Variants in FRYL observed in about 807,000 individuals in gnomAD.
FRYL encodes the protein protein furry homolog-like.
Under a neutral mutation model 351.2 loss-of-function variants are expected in FRYL, and 150 were observed. The observed-to-expected ratio is 0.43, with a 90% CI of 0.37 to 0.49. The LOEUF (loss-of-function observed/expected upper bound fraction) is 0.49, where lower values mean the gene tolerates loss of function less well. Among genes scored for constraint, FRYL ranks in the 20% least tolerant of loss-of-function variants. The pLI is 0.00. For synonymous variants in FRYL, 1,153 were observed against 1,257.1 expected, an observed-to-expected ratio of 0.92 and a Z score of 1.75; for missense variants, 3,036 against 3,619.3, an observed-to-expected ratio of 0.84 and a Z score of 4.13.
chr4:48,696,677 C>T (rs1374683670), intron 2 of FRYL, among the ~76,000 whole-genome samples: 2 of 151,692 alleles, frequency 1.3e-5, no homozygotes, highest in Non-Finnish European at 2.9e-5. Context: ...ACTTGTATCC[C>T]GGAACTTAAA....
chr4:48,702,253 C>G (rs1401738934), intron 2 of FRYL, among the ~76,000 whole-genome samples: 4 of 149,654 alleles, frequency 2.7e-5, no homozygotes. Context: ...GTCAGGAGTT[C>G]GAGACCAGCC....
chr4:48,575,024 TGACCCTACCACACCTTCTAAG>T (rs1485851388), intron 25 of FRYL, 72 bp downstream of exon 25: 3 of 1,241,376 alleles, frequency 2.4e-6, no homozygotes, highest in Admixed American at 4.3e-5. Context: ...GCACTCTGCT[TGACCCTACCACACCTTCTAAG>T]GACCCTACCA....
intron 3 of FRYL, among the ~76,000 whole-genome samples, chr4:48,641,555 G>T (rs1256451629): frequency 6.6e-6 from 1 of 152,010 alleles, no homozygotes; most frequent in Admixed American, 6.6e-5. Context: ...GCCACTAATG[G>T]CTTAACGACT....
In FRYL at chr4:48,603,368, A is replaced by G. The variant is rs1300757223; in HGVS notation, c.855T>C (p.Asn285=). The G allele has an allele frequency of 1.2e-5, 19 of 1,608,328 alleles. No homozygotes were observed. The highest frequency in any genetic ancestry group is 1.6e-5 in the Non-Finnish European group (19 of 1,175,910). Residue 285 remains asparagine (N), a synonymous_variant, in exon 12 of 64, where the codon AAT becomes AAC. Coordinates refer to ENST00000358350, the MANE Select transcript of FRYL (RefSeq NM_015030.2). ...CCACAAAATTTTTCAAACAGGGAAC[A>G]TTCACTTCATTTTTAACAGCCTAGT... ...PVAAAVKNEV[N]VPCLKNFVEM...
intron 31 of FRYL, 147 bp downstream of exon 31, chr4:48,563,801 T>C (rs1200550588): frequency 1.4e-6 from 1 of 731,538 alleles, no homozygotes; most frequent in African/African-American, 1.8e-5. Flanking sequence ...TCCATGGATT[T>C]TGGGATCTGA....
At chr4:48,734,296 A>C (rs752469575) in intron 1 of FRYL, among the ~76,000 whole-genome samples, 2 of 152,210 alleles carry the variant, frequency 1.3e-5, no homozygotes, top group Non-Finnish European at 2.9e-5. Context: ...CAGAGCAAGG[A>C]AAGTTCTCAA....
Position 48,510,014 on chromosome 4 carries a change from T to C in FRYL, c.8394+45A>G, listed in dbSNP as rs753618579. ...TCTGCTGCCAGGATTACCCTTCCAGTGTCAAGAGCAAACCACTTTTCGCAC... is the reference window on the plus strand; with the variant it reads ...TCTGCTGCCAGGATTACCCTTCCAGCGTCAAGAGCAAACCACTTTTCGCAC... On this transcript the variant is annotated intron_variant, in intron 59 of 63. Coordinates refer to ENST00000358350, the MANE Select transcript of FRYL (RefSeq NM_015030.2). 5 of 1,252,176 alleles carry C rather than the reference T, an allele frequency of 4.0e-6. No homozygotes were observed. In the Admixed American group the frequency reaches 6.8e-5, roughly 17 times the overall value. 77.6% of individuals were successfully genotyped at this position (1,252,176 alleles called of 1,614,324 possible). A position where few individuals can be genotyped will look rare whatever the true frequency, so the allele number is the denominator to read the frequency against.
At chr4:48,769,175 G>A (rs376701379) in intron 1 of FRYL, among the ~76,000 whole-genome samples, 1 of 152,122 alleles carries the variant, frequency 6.6e-6, no homozygotes, top group Non-Finnish European at 1.5e-5. Flanking sequence ...AAAGGCAAAC[G>A]TTCTGTTCTA....
chr4:48,502,634 T>A (rs1274305939), intron 61 of FRYL, among the ~76,000 whole-genome samples, 194 bp downstream of exon 61: 2 of 152,202 alleles, frequency 1.3e-5, no homozygotes, highest in Non-Finnish European at 2.9e-5. Context: ...ACTGCTAATT[T>A]TATGTATTTT....
chr4:48,563,017 A>G, intron 31 of FRYL, 29 bp from the exon 32 acceptor site: 1 of 1,344,302 alleles, frequency 7.4e-7, no homozygotes, highest in Non-Finnish European at 1.1e-6. Context: ...TATTAAGTAA[A>G]TAACAATGTT....
intron 53 of FRYL, among the ~76,000 whole-genome samples, chr4:48,524,082 C>T (rs1428577140): frequency 6.6e-6 from 1 of 152,006 alleles, no homozygotes; most frequent in African/African-American, 2.4e-5. Flanking sequence ...TTTCTTAGGC[C>T]CTGATATGAC....
intron 36 of FRYL, among the ~76,000 whole-genome samples, chr4:48,552,244 G>GGTGTGTGTGTGTGT (rs67155390): frequency 1.4e-3 from 201 of 145,348 alleles, no homozygotes; most frequent in African/African-American, 4.8e-3. Context: ...AGTCCAAAGG[G>GGTGTGTGTGTGTGT]GTGTGTGTGT....
At chr4:48,621,218 AG>A (rs1264882805) in intron 5 of FRYL, among the ~76,000 whole-genome samples, 1 of 152,244 alleles carries the variant, frequency 6.6e-6, no homozygotes, top group African/African-American at 2.4e-5. Flanking sequence ...ACATTATGTA[AG>A]AACTGTGGGG....
intron 3 of FRYL, among the ~76,000 whole-genome samples, chr4:48,662,618 G>C (rs1264803661): frequency 6.6e-6 from 1 of 151,808 alleles, no homozygotes; most frequent in Non-Finnish European, 1.5e-5. Context: ...ACCAGTGATA[G>C]AGAAAGAATC....
intron 7 of FRYL, among the ~76,000 whole-genome samples, chr4:48,614,354 C>T (rs1748894815): frequency 6.6e-6 from 1 of 152,186 alleles, no homozygotes; most frequent in Non-Finnish European, 1.5e-5. Flanking sequence ...ACAAGAATTT[C>T]TAAGATCTTG....
chr4:48,508,655 G>A (rs1721815928), intron 59 of FRYL, among the ~76,000 whole-genome samples: 1 of 152,104 alleles, frequency 6.6e-6, no homozygotes, highest in South Asian at 2.1e-4. Context: ...GCTTGACTGG[G>A]GAAGCGGCAG....
In FRYL at chr4:48,632,102, A is replaced by ATG. The variant is rs1578436123; in HGVS notation, c.120+2188_120+2189insCA. On this transcript the variant is annotated intron_variant, in intron 4 of 63. Coordinates refer to ENST00000358350, the MANE Select transcript of FRYL (RefSeq NM_015030.2). ...AAAAAAAAAAAAAAAATATATATATATATATATATATATATATATATATAT... is the reference window on the plus strand; with the variant it reads ...AAAAAAAAAAAAAAAATATATATATATGTATATATATATATATATATATATAT... 1.2e-3 allele frequency among the ~76,000 whole-genome samples: 44 copies of ATG among 36,744 alleles called. 2 individuals carry two copies. The highest frequency in any genetic ancestry group is 4.3e-3 in the Admixed American group (8 of 1,868). The allele number at this position is 36,744 out of a possible 152,430, so 24.1% of individuals were successfully genotyped here. A position where few individuals can be genotyped will look rare whatever the true frequency, so the allele number is the denominator to read the frequency against.
At chr4:48,755,539 G>C (rs1020112122) in intron 1 of FRYL, among the ~76,000 whole-genome samples, 1 of 152,176 alleles carries the variant, frequency 6.6e-6, no homozygotes, top group African/African-American at 2.4e-5. Flanking sequence ...CCTTGTCAGA[G>C]AGAAACGTTG....
intron 1 of FRYL, among the ~76,000 whole-genome samples, chr4:48,733,949 C>T (rs1005747500): frequency 2.5e-4 from 38 of 151,928 alleles, no homozygotes; most frequent in Admixed American, 1.8e-3. Flanking sequence ...ATATAAAATG[C>T]TCAATTAGAA....
Sources: allele counts gnomAD v4.1 joint callset (sites outside exome capture counted in the v4.1 genomes callset), GRCh38; gene constraint gnomAD v4.1.1; transcripts MANE v1.5; gene names NCBI Gene and HGNC (gene_info 2026-07-23, HGNC 2026-07-21).